The following FREM3 variants were observed in gnomAD, a reference collection of about 807,000 sequenced individuals.
The protein encoded by FREM3 is FRAS1-related extracellular matrix protein 3.
A neutral mutation model predicts 129.1 loss-of-function variants in FREM3; 105 were observed. The observed-to-expected ratio is 0.81, with a 90% CI of 0.69 to 0.96. The LOEUF (loss-of-function observed/expected upper bound fraction) is 0.96. FREM3 is among the 40% of genes least tolerant of loss of function. The pLI is 0.00. For synonymous variants in FREM3, 1,014 were observed against 1,044.9 expected, an observed-to-expected ratio of 0.97 and a Z score of 0.57; for missense variants, 2,593 against 2,666.3, an observed-to-expected ratio of 0.97 and a Z score of 0.61.
intron 1 of FREM3, among the ~76,000 whole-genome samples, chr4:143,694,417 AT>A (rs546008201): frequency 2.6e-4 from 39 of 151,962 alleles, no homozygotes; most frequent in Non-Finnish European, 4.1e-4. Context: ...TAAAATCATG[AT>A]TTTTTTTCCT....
chr4:143,580,356 G>A (rs1181370960), intron 7 of FREM3, among the ~76,000 whole-genome samples: 2 of 152,086 alleles, frequency 1.3e-5, no homozygotes, highest in African/African-American at 2.4e-5. Flanking sequence ...TGGTGAGTGC[G>A]ACCCTCCTGG....
intron 5 of FREM3, among the ~76,000 whole-genome samples, chr4:143,613,842 G>A (rs527564565): frequency 3.3e-5 from 5 of 152,222 alleles, no homozygotes; most frequent in African/African-American, 9.6e-5. Context: ...CACTAGGCTC[G>A]CATAGTAACT....
intron 2 of FREM3, among the ~76,000 whole-genome samples, chr4:143,650,457 G>A (rs1382698903): frequency 1.3e-5 from 2 of 152,176 alleles, no homozygotes; most frequent in Admixed American, 1.3e-4. Context: ...CAGTTGACGA[G>A]TCTTCTGTGA....
chr4:143,644,895 A>C (rs1445777513), intron 2 of FREM3, among the ~76,000 whole-genome samples: 2 of 152,200 alleles, frequency 1.3e-5, no homozygotes, highest in Non-Finnish European at 2.9e-5. Context: ...GAAGTTATAG[A>C]TTGAGGATTA....
At chr4:143,593,991 A>G (rs960099469) in intron 6 of FREM3, among the ~76,000 whole-genome samples, 2 of 152,170 alleles carry the variant, frequency 1.3e-5, no homozygotes, top group African/African-American at 4.8e-5. Context: ...TGTGCTAGCA[A>G]TGAGCGAGGC....
chr4:143,621,064 G>C lies in FREM3; in HGVS notation c.5752C>G (p.Leu1918Val), dbSNP rs778838183. ...VRRSGDASQE[L>V]IVICSTRQGS... is the part of the protein sequence containing the mutation. ...TGACGTGTGGAGCAAATGACGATTA[G>C]TTCCTGGCTTGCATCTCCAGATCGT... The change falls in exon 5 of 8, where the codon CTA (leucine) becomes GTA (valine). Residue 1918 changes from leucine to valine, a missense_variant. Leu to Val is a conservative substitution (Grantham distance 32, BLOSUM62 1). This residue lies in a region of FREM3 where 317 missense variants were observed against 399.0 expected (regional missense o/e 0.79). Coordinates refer to ENST00000329798, the MANE Select transcript of FREM3 (RefSeq NM_001168235.2). The C allele has an allele frequency of 1.3e-6, 2 of 1,537,362 alleles. No homozygotes were observed.
At chr4:143,677,386 A>T (rs1471701183) in intron 2 of FREM3, among the ~76,000 whole-genome samples, 1 of 152,244 alleles carries the variant, frequency 6.6e-6, no homozygotes, top group Non-Finnish European at 1.5e-5. Flanking sequence ...TTATACAAAA[A>T]TTAATTCAAG....
chr4:143,697,391 A>G lies in FREM3; in HGVS notation c.3285T>C (p.Val1095=), dbSNP rs1054759352. 1.0e-5 allele frequency: 16 copies of G among 1,537,254 alleles called. No homozygotes were observed. The highest frequency in any genetic ancestry group is 1.4e-5 in the Non-Finnish European group (16 of 1,146,904). ...KNSLTLQHLH[V]EDVDTHQDEL... is the part of the protein sequence containing the mutation. ...CATCTTGATGAGTGTCCACATCTTC[A>G]ACATGGAGATGTTGTAAGGTCAAGG... The change falls in exon 1 of 8, where the codon GTT becomes GTC. Residue 1095 remains valine (V), a synonymous_variant. Coordinates refer to ENST00000329798, the MANE Select transcript of FREM3 (RefSeq NM_001168235.2).
chr4:143,635,741 ACT>A (rs748526369), intron 2 of FREM3, among the ~76,000 whole-genome samples: 2 of 152,146 alleles, frequency 1.3e-5, no homozygotes, highest in Non-Finnish European at 2.9e-5. Context: ...ATAATCAAAC[ACT>A]CTCTATTGAA....
At chr4:143,583,806 G>A (rs557306712) in intron 7 of FREM3, among the ~76,000 whole-genome samples, 49 of 152,214 alleles carry the variant, frequency 3.2e-4, no homozygotes, top group African/African-American at 1.1e-3. Flanking sequence ...GGTTTTTAAA[G>A]GAGCACTAAA....
chr4:143,637,576 C>T (rs1462804559), intron 2 of FREM3, among the ~76,000 whole-genome samples: 2 of 152,062 alleles, frequency 1.3e-5, no homozygotes, highest in South Asian at 2.1e-4. Flanking sequence ...CCTCTTAGTG[C>T]TTCAGGGTGC....
intron 6 of FREM3, among the ~76,000 whole-genome samples, chr4:143,589,605 T>A (rs1338955823): frequency 6.6e-6 from 1 of 152,360 alleles, no homozygotes; most frequent in East Asian, 1.9e-4. Flanking sequence ...TCTATATCTC[T>A]GTTTTGGTAC....
chr4:143,687,990 A>G (rs151059905), intron 2 of FREM3, among the ~76,000 whole-genome samples: 8 of 152,312 alleles, frequency 5.3e-5, no homozygotes, highest in Non-Finnish European at 1.0e-4. Context: ...CCTCTTCAAC[A>G]TAGTACTGGA....
intron 2 of FREM3, among the ~76,000 whole-genome samples, chr4:143,651,743 C>A (rs1253892747): frequency 1.3e-5 from 2 of 152,142 alleles, no homozygotes; most frequent in Non-Finnish European, 2.9e-5. Context: ...TCAGGAAATG[C>A]TTTAACCTGT....
At chr4:143,692,081 C>T (rs939589980) in intron 2 of FREM3, among the ~76,000 whole-genome samples, 8 of 151,994 alleles carry the variant, frequency 5.3e-5, no homozygotes, top group African/African-American at 1.9e-4. Flanking sequence ...TAATGGGCAC[C>T]TATCTTTAAA....
At chr4:143,673,835 C>T (rs907067199) in intron 2 of FREM3, among the ~76,000 whole-genome samples, 1 of 152,254 alleles carries the variant, frequency 6.6e-6, no homozygotes, top group South Asian at 2.1e-4. Flanking sequence ...GCAGTTCTAT[C>T]TCAGACTGCT....
intron 2 of FREM3, among the ~76,000 whole-genome samples, chr4:143,641,578 C>T (rs762454582): frequency 6.6e-6 from 1 of 152,134 alleles, no homozygotes; most frequent in African/African-American, 2.4e-5. Context: ...CATTGTTAGT[C>T]CACACATTGC....
chr4:143,678,392 T>C (rs1409150887), intron 2 of FREM3, among the ~76,000 whole-genome samples: 1 of 151,454 alleles, frequency 6.6e-6, no homozygotes, highest in Non-Finnish European at 1.5e-5. Context: ...GGCCTGTTGT[T>C]GGTTGGGGGG....
At chr4:143,666,225 A>G (rs1739857656) in intron 2 of FREM3, among the ~76,000 whole-genome samples, 1 of 152,178 alleles carries the variant, frequency 6.6e-6, no homozygotes, top group African/African-American at 2.4e-5. Flanking sequence ...TTCTACATGC[A>G]TAAAAGAAAA....
Sources: gnomAD v4.1 joint callset for allele counts (sites outside exome capture counted in the v4.1 genomes callset) on GRCh38, gnomAD v4.1.1 for gene constraint, gnomAD v4.1.1 regional missense constraint, MANE v1.5 for transcripts, NCBI Gene and HGNC (gene_info 2026-07-23, HGNC 2026-07-21) for gene names.